The following CACNA1E variants were observed in gnomAD, a reference collection of about 807,000 sequenced individuals.
The protein encoded by CACNA1E is calcium voltage-gated channel subunit alpha1 E.
CACNA1E carries 40 observed loss-of-function variants against 259.2 expected under a neutral mutation model. The observed-to-expected ratio is 0.15, with a 90% CI of 0.12 to 0.20. CACNA1E has a LOEUF of 0.20. CACNA1E is among the 10% of genes least tolerant of loss of function. CACNA1E has a pLI of 1.00. For synonymous variants in CACNA1E, 1,104 were observed against 1,138.5 expected, an observed-to-expected ratio of 0.97 and a Z score of 0.61; for missense variants, 1,874 against 3,040.1, an observed-to-expected ratio of 0.62 and a Z score of 9.02.
intron 25 of CACNA1E, among the ~76,000 whole-genome samples, chr1:181,739,723 C>T (rs1448837302): frequency 2.0e-5 from 3 of 152,138 alleles, no homozygotes; most frequent in Non-Finnish European, 2.9e-5. Flanking sequence ...CAGGTGTAAA[C>T]GAGAGCTCTT....
chr1:181,387,704 A>G (rs1655952364), intron 1 of CACNA1E, among the ~76,000 whole-genome samples: 1 of 152,194 alleles, frequency 6.6e-6, no homozygotes. Flanking sequence ...TGGAACAGGG[A>G]TCCTGCCCTG....
At chr1:181,400,936 A>G (rs1657056659) in intron 1 of CACNA1E, among the ~76,000 whole-genome samples, 2 of 152,106 alleles carry the variant, frequency 1.3e-5, no homozygotes, top group South Asian at 4.1e-4. Context: ...GCAGCTACAC[A>G]GGAGTGTCAT....
chr1:181,738,556 C>T, intron 24 of CACNA1E, 130 bp downstream of exon 24: 1 of 740,780 alleles, frequency 1.3e-6, no homozygotes, highest in South Asian at 1.6e-5. Context: ...CTTCTGCCGC[C>T]CCTTCTCTGG....
chr1:181,694,521 T>C (rs1034280813), intron 7 of CACNA1E, among the ~76,000 whole-genome samples: 3 of 152,188 alleles, frequency 2.0e-5, no homozygotes, highest in Admixed American at 1.3e-4. Context: ...GGGTTCTTGA[T>C]AAAAGGATGA....
intron 1 of CACNA1E, among the ~76,000 whole-genome samples, chr1:181,362,903 C>T (rs1303219298): frequency 2.6e-5 from 4 of 152,222 alleles, no homozygotes; most frequent in African/African-American, 9.6e-5. Flanking sequence ...AACCCTCCCT[C>T]TGGGAGTCCT....
chr1:181,409,560 G>T (rs1557980285), intron 1 of CACNA1E, among the ~76,000 whole-genome samples: 2 of 152,194 alleles, frequency 1.3e-5, no homozygotes, highest in Non-Finnish European at 2.9e-5. Context: ...CAAAATTGTT[G>T]ATCTCAAGGA....
chr1:181,704,347 A>G (rs896168476), intron 7 of CACNA1E, among the ~76,000 whole-genome samples: 8 of 152,178 alleles, frequency 5.3e-5, no homozygotes, highest in African/African-American at 1.4e-4. Flanking sequence ...CCATTTTCCA[A>G]TGGCACTGAA....
At chr1:181,346,409 G>A (rs1652598142) in intron 1 of CACNA1E, among the ~76,000 whole-genome samples, 1 of 152,194 alleles carries the variant, frequency 6.6e-6, no homozygotes, top group Non-Finnish European at 1.5e-5. Context: ...AGAAGGATAG[G>A]GATTTTGTCT....
At chr1:181,548,137 T>TCTTTTTTTA (rs55724320) in intron 3 of CACNA1E, among the ~76,000 whole-genome samples, 6 of 140,942 alleles carry the variant, frequency 4.3e-5, no homozygotes, top group Admixed American at 3.6e-4. Context: ...TTCTTTTTTT[T>TCTTTTTTTA]TTTTTGAGTC....
At chr1:181,489,118 C>T (rs1664092831) in intron 1 of CACNA1E, among the ~76,000 whole-genome samples, 2 of 152,184 alleles carry the variant, frequency 1.3e-5, no homozygotes, top group South Asian at 4.1e-4. Context: ...AACACCAAAG[C>T]CCAGATGTGC....
intron 1 of CACNA1E, among the ~76,000 whole-genome samples, chr1:181,330,540 C>G (rs1341860805): frequency 6.6e-6 from 1 of 152,232 alleles, no homozygotes; most frequent in Non-Finnish European, 1.5e-5. Flanking sequence ...ACTCCGACCC[C>G]AGATTCTGTC....
intron 6 of CACNA1E, among the ~76,000 whole-genome samples, chr1:181,628,694 G>A (rs1052242086): frequency 6.6e-6 from 1 of 152,162 alleles, no homozygotes. Context: ...CTGCAACCCC[G>A]AAGTGTAGGC....
chr1:181,379,965 G>GATATATATAT (rs150620283), intron 1 of CACNA1E, among the ~76,000 whole-genome samples: 9 of 143,538 alleles, frequency 6.3e-5, no homozygotes, highest in African/African-American at 2.3e-4. Flanking sequence ...ACTGTCATAA[G>GATATATATAT]ATATATATAT....
At chr1:181,671,973 A>G (rs1441288106) in intron 7 of CACNA1E, among the ~76,000 whole-genome samples, 1 of 152,232 alleles carries the variant, frequency 6.6e-6, no homozygotes, top group Non-Finnish European at 1.5e-5. Flanking sequence ...TAGCAAAGAC[A>G]TGGAATCAAC....
intron 2 of CACNA1E, among the ~76,000 whole-genome samples, chr1:181,470,396 T>G (rs1662428540): frequency 6.6e-6 from 1 of 152,076 alleles, no homozygotes; most frequent in African/African-American, 2.4e-5. Context: ...AGATTCTCTA[T>G]GTTCTCTATG....
intron 38 of CACNA1E, chr1:181,779,674 C>G: frequency 3.7e-6 from 1 of 271,910 alleles, no homozygotes; most frequent in Non-Finnish European, 7.7e-6. Context: ...TAAAGAGGTC[C>G]AAACCCTTCC....
chr1:181,477,934 TTCAAGGTCATGCCTTACCTCTCTAAAGC>T (rs1448032674), intron 2 of CACNA1E, among the ~76,000 whole-genome samples: 2 of 152,228 alleles, frequency 1.3e-5, no homozygotes, highest in African/African-American at 4.8e-5. Context: ...GACTCTCTGG[TTCAAGGTCATGCCTTACCTCTCTAAAGC>T]TCAAGATCCT....
chr1:181,512,989 A>G (rs1272862502), intron 3 of CACNA1E, among the ~76,000 whole-genome samples: 1 of 152,242 alleles, frequency 6.6e-6, no homozygotes, highest in South Asian at 2.1e-4. Flanking sequence ...TAGAAATGTT[A>G]TGATTCTATC....
At position 181,737,555 on chromosome 1, in the gene CACNA1E, C is replaced by T; in HGVS notation, c.3453C>T (p.Asn1151=). 6.2e-7 allele frequency: 1 copy of T among 1,613,988 alleles called. No homozygotes were observed. Among genetic ancestry groups the T allele is most frequent in the Non-Finnish European group, 8.5e-7 (1 of 1,179,882 alleles). ...PIRRACHYIV[N]LRYFEMCILL... ...GGAGGGCCTGCCACTACATCGTGAACCTGCGCTACTTTGAGATGTGCATCC... is the reference window on the plus strand; with the variant it reads ...GGAGGGCCTGCCACTACATCGTGAATCTGCGCTACTTTGAGATGTGCATCC... The change falls in exon 23 of 48, where the codon AAC becomes AAT. Residue 1151 remains asparagine (N), a synonymous_variant. Transcript: ENST00000367573.
Sources: allele counts gnomAD v4.1 joint callset (sites outside exome capture counted in the v4.1 genomes callset), GRCh38; gene constraint gnomAD v4.1.1; transcripts MANE v1.5; gene names NCBI Gene and HGNC (gene_info 2026-07-23, HGNC 2026-07-21).